Variants in ARHGAP21 observed in about 807,000 individuals in gnomAD.
The protein encoded by ARHGAP21 is Rho GTPase activating protein 21.
Under a neutral mutation model 164.6 loss-of-function variants are expected in ARHGAP21, and 38 were observed. That is an observed-to-expected ratio of 0.23 (90% CI 0.18 to 0.30). ARHGAP21 has a LOEUF of 0.30. ARHGAP21 is among the 10% of genes least tolerant of loss of function. The pLI, the probability that ARHGAP21 is intolerant of heterozygous loss-of-function variation, is 1.00. For synonymous variants in ARHGAP21, 766 were observed against 857.9 expected, an observed-to-expected ratio of 0.89 and a Z score of 1.87; for missense variants, 1,822 against 2,370.7, an observed-to-expected ratio of 0.77 and a Z score of 4.81.
intron 2 of ARHGAP21, among the ~76,000 whole-genome samples, chr10:24,679,447 C>A (rs972041795): frequency 6.6e-6 from 1 of 152,202 alleles, no homozygotes; most frequent in African/African-American, 2.4e-5. Context: ...AAACCATCAC[C>A]TTGAGGGTTT....
Position 24,619,834 on chromosome 10 carries a change from T to G in ARHGAP21, c.2061A>C (p.Gly687=), listed in dbSNP as rs1315375161. 2 of 1,614,150 alleles carry G rather than the reference T, an allele frequency of 1.2e-6. No homozygotes were observed. The highest frequency in any genetic ancestry group is 2.2e-5 in the South Asian group (2 of 91,078). Residue 687 remains glycine, a synonymous_variant, in exon 9 of 26, where the codon GGA becomes GGC. Transcript: ENST00000396432. ...VETGKSPSLS[G]ASAKPAPQSS... ...ACTGAGGGGCAGGCTTGGCAGAGGCTCCAGATAAAGAGGGGGATTTCCCAG... is the reference window on the plus strand; with the variant it reads ...ACTGAGGGGCAGGCTTGGCAGAGGCGCCAGATAAAGAGGGGGATTTCCCAG...
At chr10:24,681,973 G>A (rs1841807110) in intron 2 of ARHGAP21, among the ~76,000 whole-genome samples, 1 of 152,120 alleles carries the variant, frequency 6.6e-6, no homozygotes, top group Admixed American at 6.5e-5. Flanking sequence ...TCGTGGACAA[G>A]CTCCTTAACA....
Position 24,699,376 on chromosome 10 carries a change from G to A in ARHGAP21, c.63+22461C>T, listed in dbSNP as rs573373760. ...AGTCTCACTCGTCCCCCAGGCTGGC[G>A]TGCAATGGTGCGACCTTGGCTCATT... On this transcript the variant is annotated intron_variant, in intron 2 of 25. Coordinates refer to ENST00000396432, the MANE Select transcript of ARHGAP21 (RefSeq NM_020824.4). Among the ~76,000 whole-genome samples, 7 of 151,510 alleles carry A rather than the reference G, an allele frequency of 4.6e-5. No homozygotes were observed. The South Asian group carries it at 6.3e-4, about 14-fold the overall frequency.
intron 4 of ARHGAP21, among the ~76,000 whole-genome samples, chr10:24,641,396 G>A (rs913159150): frequency 6.6e-6 from 1 of 152,110 alleles, no homozygotes. Flanking sequence ...TCACTTGCAG[G>A]TGACAGCTAG....
At chr10:24,593,906 T>TATCA (rs779328645) in intron 21 of ARHGAP21, among the ~76,000 whole-genome samples, 19 of 152,236 alleles carry the variant, frequency 1.2e-4, no homozygotes, top group Middle Eastern at 3.4e-3. Context: ...TTTGTAGCCC[T>TATCA]ATCAATCACT....
chr10:24,603,629 G>GT (rs1282116293), intron 12 of ARHGAP21, among the ~76,000 whole-genome samples: 1 of 152,136 alleles, frequency 6.6e-6, no homozygotes, highest in Non-Finnish European at 1.5e-5. Context: ...GTGGGGGTTG[G>GT]TTTTTAATAG....
At chr10:24,642,562 C>T (rs1258947901) in intron 4 of ARHGAP21, among the ~76,000 whole-genome samples, 4 of 150,860 alleles carry the variant, frequency 2.7e-5, no homozygotes, top group Non-Finnish European at 5.9e-5. Flanking sequence ...TTCAACAGTT[C>T]TTCACAGTAT....
At chr10:24,603,578 A>T (rs1329546543) in intron 12 of ARHGAP21, among the ~76,000 whole-genome samples, 2 of 152,164 alleles carry the variant, frequency 1.3e-5, no homozygotes, top group Non-Finnish European at 2.9e-5. Context: ...ACTGTGCAGA[A>T]GGGCACCGAG....
intron 2 of ARHGAP21, among the ~76,000 whole-genome samples, chr10:24,679,508 T>C (rs1051479829): frequency 1.3e-5 from 2 of 152,230 alleles, no homozygotes; most frequent in African/African-American, 4.8e-5. Context: ...AGCATATAAT[T>C]ACATGTTTAC....
chr10:24,663,371 C>G (rs2131695598), intron 4 of ARHGAP21, among the ~76,000 whole-genome samples: 2 of 152,280 alleles, frequency 1.3e-5, no homozygotes, highest in Admixed American at 1.3e-4. Context: ...GGATATGCAG[C>G]CTTGAATATC....
At chr10:24,661,276 T>TA (rs1018269743) in intron 4 of ARHGAP21, among the ~76,000 whole-genome samples, 1 of 151,442 alleles carries the variant, frequency 6.6e-6, no homozygotes, top group Non-Finnish European at 1.5e-5. Flanking sequence ...CTTTTTCTTA[T>TA]AAAAAATCTG....
At chr10:24,625,596 A>G (rs1254569016) in intron 7 of ARHGAP21, among the ~76,000 whole-genome samples, 1 of 152,188 alleles carries the variant, frequency 6.6e-6, no homozygotes, top group Non-Finnish European at 1.5e-5. Context: ...TTAAAAAATT[A>G]CAAAGTAAAC....
At chr10:24,682,725 A>G (rs1841885991) in intron 2 of ARHGAP21, among the ~76,000 whole-genome samples, 1 of 152,112 alleles carries the variant, frequency 6.6e-6, no homozygotes, top group African/African-American at 2.4e-5. Flanking sequence ...AAGGTCGACA[A>G]TGGGAAATGC....
intron 19 of ARHGAP21, among the ~76,000 whole-genome samples, 178 bp from the exon 20 acceptor site, chr10:24,595,368 T>A (rs1201848665): frequency 6.6e-6 from 1 of 152,154 alleles, no homozygotes; most frequent in Non-Finnish European, 1.5e-5. Context: ...ACACAGCCTG[T>A]CCATTCCTCC....
chr10:24,585,772 G>C lies in ARHGAP21; in HGVS notation c.4517C>G (p.Pro1506Arg). 2 of 1,613,920 alleles carry C rather than the reference G, an allele frequency of 1.2e-6. No homozygotes were observed. Among genetic ancestry groups the C allele is most frequent in the Non-Finnish European group, 1.7e-6 (2 of 1,179,882 alleles). Residue 1506 changes from proline to arginine, a missense_variant, in exon 26 of 26, where the codon CCA becomes CGA. Pro to Arg is a moderately radical substitution (Grantham distance 103). This residue lies in a region of ARHGAP21 where 333 missense variants were observed against 383.9 expected (regional missense o/e 0.87). Coordinates refer to ENST00000396432, the MANE Select transcript of ARHGAP21 (RefSeq NM_020824.4). ...TGACTTGTTGTGTTTTGAGTTGTGT[G>C]GTGGTGAGGGTTCTTCAGAAGGCGT... is the stretch of plus-strand genomic sequence containing the variant. ...ESTPSEEPSPPHNSKHNKSPT... is the reference protein window; with the variant it reads ...ESTPSEEPSPRHNSKHNKSPT...
At chr10:24,622,596 T>A in intron 8 of ARHGAP21, 137 bp downstream of exon 8, 1 of 897,178 alleles carries the variant, frequency 1.1e-6, no homozygotes, top group South Asian at 2.1e-5. Context: ...ACAAACGTAT[T>A]CTGCAAATTA....
At chr10:24,718,587 GGAGTCTGGGATGAAAGC>G (rs1450029869) in intron 2 of ARHGAP21, among the ~76,000 whole-genome samples, 1 of 152,116 alleles carries the variant, frequency 6.6e-6, no homozygotes, top group African/African-American at 2.4e-5. Flanking sequence ...AAGGAACTAG[GGAGTCTGGGATGAAAGC>G]AAAAGCAAAC....
intron 6 of ARHGAP21, among the ~76,000 whole-genome samples, chr10:24,630,920 T>C (rs747566927): frequency 2.0e-5 from 3 of 152,232 alleles, no homozygotes; most frequent in Non-Finnish European, 4.4e-5. Flanking sequence ...AACTATTTGC[T>C]TTTTTCCCTA....
chr10:24,589,528 A>G (rs2076245439), intron 24 of ARHGAP21: 2 of 477,810 alleles, frequency 4.2e-6, no homozygotes, highest in African/African-American at 2.0e-5. Flanking sequence ...GCTCAATGAT[A>G]GAAATGGCAA....
Sources: gnomAD v4.1 joint callset for allele counts (sites outside exome capture counted in the v4.1 genomes callset) on GRCh38, gnomAD v4.1.1 for gene constraint, gnomAD v4.1.1 regional missense constraint, MANE v1.5 for transcripts, NCBI Gene and HGNC (gene_info 2026-07-23, HGNC 2026-07-21) for gene names.